The following TMCC1 variants were observed in gnomAD, a reference collection of about 807,000 sequenced individuals.
TMCC1 encodes the protein transmembrane and coiled-coil domain family 1.
A neutral mutation model predicts 52.4 loss-of-function variants in TMCC1; 15 were observed. That is an observed-to-expected ratio of 0.29 (90% CI 0.19 to 0.44). The LOEUF is 0.44. TMCC1 is among the 20% of genes least tolerant of loss of function. The probability of loss-of-function intolerance (pLI) is 1.00; values close to 1 mark genes in which losing one functional copy is unlikely to be tolerated. For synonymous variants in TMCC1, 279 were observed against 301.9 expected (o/e 0.92, Z 0.79); for missense variants, 503 against 806.0 (o/e 0.62, Z 4.55).
chr3:129,852,520 C>G (rs2059963638), intron 2 of TMCC1, among the ~76,000 whole-genome samples: 1 of 149,618 alleles, frequency 6.7e-6, no homozygotes, highest in African/African-American at 2.5e-5. Context: ...GAAGATGAAC[C>G]TTTAGATGAA....
chr3:129,846,469 TAC>T (rs1323417758), intron 2 of TMCC1, among the ~76,000 whole-genome samples: 3 of 152,232 alleles, frequency 2.0e-5, no homozygotes, highest in Non-Finnish European at 4.4e-5. Flanking sequence ...TATGCTTTGC[TAC>T]ACTGAAAATT....
At chr3:129,769,630 A>G (rs1434739946) in intron 4 of TMCC1, among the ~76,000 whole-genome samples, 3 of 150,854 alleles carry the variant, frequency 2.0e-5, no homozygotes, top group Admixed American at 1.3e-4. Context: ...TTCTTCTTCC[A>G]ATGTGGTGTA....
chr3:129,870,494 C>T (rs930957071), intron 2 of TMCC1, among the ~76,000 whole-genome samples: 4 of 151,914 alleles, frequency 2.6e-5, no homozygotes, highest in African/African-American at 9.7e-5. Flanking sequence ...AATCCTAGCA[C>T]TTTGGGAGGC....
chr3:129,694,430 C>T (rs1483435652), intron 4 of TMCC1, among the ~76,000 whole-genome samples: 3 of 152,224 alleles, frequency 2.0e-5, no homozygotes, highest in Admixed American at 1.3e-4. Flanking sequence ...GTAACTTCAG[C>T]GTGCCTATGG....
chr3:129,666,645 C>A (rs768486027), intron 5 of TMCC1, among the ~76,000 whole-genome samples: 3 of 152,086 alleles, frequency 2.0e-5, no homozygotes, highest in Non-Finnish European at 2.9e-5. Context: ...GAGGCTAAGG[C>A]AGGAGAATCA....
At chr3:129,729,275 C>T (rs910732355) in intron 4 of TMCC1, among the ~76,000 whole-genome samples, 1 of 152,112 alleles carries the variant, frequency 6.6e-6, no homozygotes, top group African/African-American at 2.4e-5. Context: ...AGTGGTACCT[C>T]ATCAAGATTT....
chr3:129,841,771 G>A (rs913192821), intron 2 of TMCC1, among the ~76,000 whole-genome samples: 5 of 152,182 alleles, frequency 3.3e-5, no homozygotes, highest in African/African-American at 1.2e-4. Context: ...CTGTTCTTGT[G>A]ATAGTGAGTT....
intron 4 of TMCC1, among the ~76,000 whole-genome samples, chr3:129,703,117 T>A (rs1025343143): frequency 1.4e-4 from 22 of 152,196 alleles, no homozygotes; most frequent in Non-Finnish European, 2.4e-4. Context: ...TAAACCCACA[T>A]ACAAAAACCC....
At chr3:129,697,777 C>T (rs913939407) in intron 4 of TMCC1, among the ~76,000 whole-genome samples, 3 of 152,206 alleles carry the variant, frequency 2.0e-5, no homozygotes, top group African/African-American at 7.2e-5. Flanking sequence ...AGTCTCTTTG[C>T]TAACACATAA....
At chr3:129,790,076 A>C (rs2056346630) in intron 4 of TMCC1, among the ~76,000 whole-genome samples, 1 of 152,230 alleles carries the variant, frequency 6.6e-6, no homozygotes. Context: ...CTCAAATAGA[A>C]CAGGAAGAAA....
chr3:129,668,315 C>T (rs1303194152), intron 5 of TMCC1, among the ~76,000 whole-genome samples: 1 of 152,210 alleles, frequency 6.6e-6, no homozygotes, highest in Non-Finnish European at 1.5e-5. Context: ...GTTCCCCTAA[C>T]ATCAGTAGAG....
At chr3:129,730,754 C>A (rs1296424940) in intron 4 of TMCC1, among the ~76,000 whole-genome samples, 1 of 152,224 alleles carries the variant, frequency 6.6e-6, no homozygotes, top group Non-Finnish European at 1.5e-5. Flanking sequence ...CTACAAAGAA[C>A]TGTGTGTACA....
At chr3:129,686,133 A>T (rs1173758132) in intron 4 of TMCC1, among the ~76,000 whole-genome samples, 1 of 152,204 alleles carries the variant, frequency 6.6e-6, no homozygotes, top group African/African-American at 2.4e-5. Context: ...TATTTTTTTT[A>T]AAAGGCCTAA....
chr3:129,784,341 G>T (rs2055799022), intron 4 of TMCC1, among the ~76,000 whole-genome samples: 1 of 152,100 alleles, frequency 6.6e-6, no homozygotes, highest in Admixed American at 6.5e-5. Context: ...CACTTTGGGA[G>T]GCCAAGGCGG....
Position 129,716,878 on chromosome 3 carries a change from T to C in TMCC1, c.577-45614A>G, listed in dbSNP as rs141705138. Among the ~76,000 whole-genome samples, 240 of 152,332 alleles carry C rather than the reference T, an allele frequency of 1.6e-3. 1 individual carries two copies. The highest frequency in any genetic ancestry group is 5.2e-3 in the African/African-American group (217 of 41,580). On this transcript the variant is annotated intron_variant, in intron 4 of 6. Transcript: ENST00000393238. ...AGCTTTGGAATAAAAAGTCACTCTC[T>C]TTATACCAGACCTCACTATTGTTAT...
chr3:129,666,971 A>C (rs1576368927), intron 5 of TMCC1, among the ~76,000 whole-genome samples: 1 of 151,430 alleles, frequency 6.6e-6, no homozygotes, highest in African/African-American at 2.4e-5. Flanking sequence ...GCATGATCTC[A>C]GCTCACTGCA....
intron 4 of TMCC1, among the ~76,000 whole-genome samples, chr3:129,710,123 T>C (rs7624028): frequency 0.98 from 149,716 of 152,242 alleles, 73,674 homozygotes; most frequent in Non-Finnish European, 1. Context: ...GAGGTGGAGG[T>C]TGTGGTGGGC....
chr3:129,677,401 A>C (rs1032793456), intron 4 of TMCC1, among the ~76,000 whole-genome samples: 2 of 152,250 alleles, frequency 1.3e-5, no homozygotes, highest in Admixed American at 6.5e-5. Context: ...TGTGCTAACC[A>C]GGAAAAGGAG....
chr3:129,849,114 T>C (rs2059796407), intron 2 of TMCC1, among the ~76,000 whole-genome samples: 1 of 152,232 alleles, frequency 6.6e-6, no homozygotes. Flanking sequence ...ATCATGATCA[T>C]AAATTTAACA....
Sources: gnomAD v4.1 joint callset for allele counts (sites outside exome capture counted in the v4.1 genomes callset) on GRCh38, gnomAD v4.1.1 for gene constraint, MANE v1.5 for transcripts, NCBI Gene and HGNC (gene_info 2026-07-23, HGNC 2026-07-21) for gene names.